Variants in VPS13B observed in about 807,000 individuals in gnomAD.
VPS13B encodes vacuolar protein sorting 13 homolog B, also known as intermembrane lipid transfer protein VPS13B.
In VPS13B, 285 loss-of-function variants were observed where a neutral mutation model predicts 426.4. The ratio of observed to expected loss-of-function variants is 0.67; its 90% confidence interval spans 0.61 to 0.74. The LOEUF (loss-of-function observed/expected upper bound fraction) is 0.74. VPS13B is among the 30% of genes least tolerant of loss of function. The pLI, the probability that VPS13B is intolerant of heterozygous loss-of-function variation, is 0.00. For synonymous variants in VPS13B, 1,676 were observed against 1,676.4 expected, an observed-to-expected ratio of 1.00 and a Z score of 0.01; for missense variants, 4,537 against 4,782.6, an observed-to-expected ratio of 0.95 and a Z score of 1.51.
chr8:99,673,556 GT>G (rs746672230), intron 35 of VPS13B, among the ~76,000 whole-genome samples: 1 of 151,622 alleles, frequency 6.6e-6, no homozygotes, highest in Non-Finnish European at 1.5e-5. Flanking sequence ...CTGGTTCTTT[GT>G]TTCTCTGATC....
intron 22 of VPS13B, among the ~76,000 whole-genome samples, chr8:99,434,752 G>A (rs559149947): frequency 7.9e-5 from 12 of 152,214 alleles, no homozygotes; most frequent in South Asian, 4.1e-4. Flanking sequence ...ATGGCTTGTC[G>A]TTCTTGTGTA....
chr8:99,849,888 G>C (rs1816170414), intron 55 of VPS13B, among the ~76,000 whole-genome samples: 1 of 151,978 alleles, frequency 6.6e-6, no homozygotes, highest in Admixed American at 6.5e-5. Flanking sequence ...GAATATATAT[G>C]ATCCTAGTTA....
At position 99,618,748 on chromosome 8, in the gene VPS13B, C is replaced by T. The variant is rs536401598; in HGVS notation, c.5221-23063C>T. Among the ~76,000 whole-genome samples, 6 of 152,284 alleles carry T rather than the reference C, an allele frequency of 3.9e-5. No homozygotes were observed. The South Asian group carries it at 6.2e-4, about 16-fold the overall frequency. On this transcript the variant is annotated intron_variant, in intron 33 of 61. Transcript: ENST00000357162. ...TCGCCTCTGAATATAATCCTTTGAC[C>T]TCGTTCTCTTTTAGTTATTTGTTTT...
intron 17 of VPS13B, among the ~76,000 whole-genome samples, chr8:99,198,999 C>T (rs1213757517): frequency 6.6e-6 from 1 of 152,128 alleles, no homozygotes; most frequent in Admixed American, 6.5e-5. Flanking sequence ...TGAGGACTCT[C>T]ATTACATAGT....
chr8:99,426,096 T>C (rs1237423467), intron 21 of VPS13B, among the ~76,000 whole-genome samples: 1 of 134,528 alleles, frequency 7.4e-6, no homozygotes, highest in Non-Finnish European at 1.5e-5. Flanking sequence ...CAGAGTGTGA[T>C]ATTCCCCTTC....
At chr8:99,043,202 G>A (rs565132422) in intron 3 of VPS13B, among the ~76,000 whole-genome samples, 2 of 151,840 alleles carry the variant, frequency 1.3e-5, no homozygotes, top group South Asian at 4.2e-4. Flanking sequence ...TTATTTACTG[G>A]ATGGTCATTT....
At chr8:99,197,189 A>G (rs1259775501) in intron 17 of VPS13B, among the ~76,000 whole-genome samples, 1 of 152,184 alleles carries the variant, frequency 6.6e-6, no homozygotes, top group Non-Finnish European at 1.5e-5. Flanking sequence ...TATCATGGCA[A>G]AAGATTATTT....
intron 25 of VPS13B, among the ~76,000 whole-genome samples, chr8:99,489,650 A>T (rs375062985): frequency 1.3e-5 from 2 of 152,196 alleles, no homozygotes; most frequent in East Asian, 3.9e-4. Context: ...TAGGTATTTT[A>T]TTCTCTTTGA....
At chr8:99,335,957 T>A (rs536994662) in intron 19 of VPS13B, among the ~76,000 whole-genome samples, 41 of 152,288 alleles carry the variant, frequency 2.7e-4, no homozygotes, top group African/African-American at 9.9e-4. Flanking sequence ...ATTTATAGAT[T>A]CAATGCCATC....
chr8:99,233,910 C>T (rs1816497665), intron 17 of VPS13B: 2 of 790,180 alleles, frequency 2.5e-6, no homozygotes, highest in Non-Finnish European at 4.7e-6. Flanking sequence ...TCTGGGGTGG[C>T]ATGGATGGTG....
intron 21 of VPS13B, 34 bp downstream of exon 21, chr8:99,391,738 G>A (rs777865930): frequency 5.8e-5 from 94 of 1,608,572 alleles, no homozygotes; most frequent in Non-Finnish European, 2.4e-5. Flanking sequence ...GACTATGATT[G>A]TACTCTACTT....
chr8:99,757,113 G>A (rs1038641317), intron 39 of VPS13B, among the ~76,000 whole-genome samples: 5 of 152,158 alleles, frequency 3.3e-5, no homozygotes, highest in East Asian at 1.9e-4. Flanking sequence ...TCAAAACACC[G>A]ATGATGGTAG....
At chr8:99,802,416 T>G (rs1352061046) in intron 43 of VPS13B, among the ~76,000 whole-genome samples, 1 of 152,182 alleles carries the variant, frequency 6.6e-6, no homozygotes, top group Non-Finnish European at 1.5e-5. Flanking sequence ...TCTTTTTACC[T>G]AAAAATGTGA....
At chr8:99,763,360 G>T (rs987230707) in intron 39 of VPS13B, among the ~76,000 whole-genome samples, 4 of 151,854 alleles carry the variant, frequency 2.6e-5, no homozygotes, top group African/African-American at 9.7e-5. Flanking sequence ...CATTTATTCA[G>T]CAACTCTTTT....
chr8:99,395,100 C>T (rs1286476166), intron 21 of VPS13B, among the ~76,000 whole-genome samples: 21 of 152,314 alleles, frequency 1.4e-4, no homozygotes. Flanking sequence ...CCTAGGATTT[C>T]CCTAGCTTTC....
In VPS13B at chr8:99,853,767, C is replaced by A; in HGVS notation, c.10378C>A (p.Gln3460Lys). The A allele has an allele frequency of 6.2e-7, 1 of 1,614,224 alleles. No individual in the cohort carries two copies. ...AGAACCCATTCAGTGTTCCAAAATG[C>A]AGAGTCTCCTCATATCCAACAAAGA... ...KAEPIQCSKMQSLLISNKELE... is the reference protein window; with the variant it reads ...KAEPIQCSKMKSLLISNKELE... Residue 3460 changes from glutamine (Q) to lysine (K), a missense_variant, in exon 56 of 62, where the codon CAG (glutamine) becomes AAG (lysine). Gln to Lys is a moderately conservative substitution (Grantham distance 53). This residue lies in a region of VPS13B where 4,311 missense variants were observed against 4,474.3 expected (regional missense o/e 0.96). Coordinates refer to ENST00000357162, the MANE Select transcript of VPS13B (RefSeq NM_152564.5).
intron 17 of VPS13B, among the ~76,000 whole-genome samples, chr8:99,214,948 A>G (rs1368253068): frequency 6.6e-6 from 1 of 152,108 alleles, no homozygotes; most frequent in Non-Finnish European, 1.5e-5. Flanking sequence ...TATACTCCAT[A>G]TTTCTGCAAT....
At chr8:99,712,759 CAAAA>C (rs386360840) in intron 36 of VPS13B, among the ~76,000 whole-genome samples, 4 of 98,132 alleles carry the variant, frequency 4.1e-5, no homozygotes, top group Admixed American at 2.2e-4. Flanking sequence ...GTCCCCAAGC[CAAAA>C]AAAAAAAAAA....
At chr8:99,356,111 A>G (rs1354850851) in intron 19 of VPS13B, among the ~76,000 whole-genome samples, 2 of 152,194 alleles carry the variant, frequency 1.3e-5, no homozygotes, top group African/African-American at 4.8e-5. Flanking sequence ...GAGGCCTAAT[A>G]TTAACACTGA....
Sources: allele counts gnomAD v4.1 joint callset (sites outside exome capture counted in the v4.1 genomes callset), GRCh38; gene constraint gnomAD v4.1.1; regional missense constraint gnomAD v4.1.1; transcripts MANE v1.5; gene names NCBI Gene and HGNC (gene_info 2026-07-23, HGNC 2026-07-21).